The following PHLDB3 variants were observed in gnomAD, a reference collection of about 807,000 sequenced individuals.
The protein encoded by PHLDB3 is pleckstrin homology-like domain family B member 3.
In PHLDB3, 86 loss-of-function variants were observed where a neutral mutation model predicts 85.7. The ratio of observed to expected loss-of-function variants is 1.00; its 90% CI spans 0.84 to 1.20. The LOEUF (loss-of-function observed/expected upper bound fraction) is 1.20, where lower values mean the gene tolerates loss of function less well. Ranked by LOEUF, PHLDB3 falls within the 50% of genes most tolerant of loss-of-function variation. The probability of loss-of-function intolerance (pLI) is 0.00; values close to 1 mark genes in which losing one functional copy is unlikely to be tolerated. For synonymous variants in PHLDB3, 376 were observed against 349.8 expected, an observed-to-expected ratio of 1.07 and a Z score of -0.83; for missense variants, 995 against 873.0, an observed-to-expected ratio of 1.14 and a Z score of -1.76.
rs1568481160 is a variant in PHLDB3, at chr19:43,494,687, C to T, written c.1149+15G>A. On this transcript the variant is annotated intron_variant, in intron 9 of 15. Transcript: ENST00000292140. ...AATAAGATATATGGGGAAACAGAGG[C>T]CGTGGGGGAGGCACCTGCAGGGAGC... 1 of 1,586,442 alleles carries T rather than the reference C, an allele frequency of 6.3e-7. No homozygotes were observed.
Position 43,495,549 on chromosome 19 carries a change from G to A in PHLDB3, c.897C>T (p.Ala299=), listed in dbSNP as rs776726391. 15 of 1,608,906 alleles carry A rather than the reference G, an allele frequency of 9.3e-6. No homozygotes were observed. Among genetic ancestry groups the A allele is most frequent in the Admixed American group, 1.7e-5 (1 of 59,196 alleles). The stretch of plus-strand genomic sequence containing the variant: ...TCTTCCGGCTCAACCCCCGGCTCTC[G>A]GCTGCCATCTGCTCCCCCAGTGACT... ...QLKSLGEQMA[A]ESRGLSRKKE... Residue 299 remains alanine, a synonymous_variant, in exon 7 of 16, where the codon GCC becomes GCT. Transcript: ENST00000292140.
In PHLDB3 at chr19:43,497,288, C is replaced by G; in HGVS notation, c.664-9G>C. Reference sequence around the variant, plus strand: ...TCCAGTTGTTCCCTCATCTATAGGTCGGAACACAAAAAGGGTGGAGGCCTG... The same window carrying G: ...TCCAGTTGTTCCCTCATCTATAGGTGGGAACACAAAAAGGGTGGAGGCCTG... On this transcript the variant is annotated splice_polypyrimidine_tract_variant and intron_variant, in intron 5 of 15. Transcript: ENST00000292140. 7.0e-7 allele frequency: 1 copy of G among 1,420,360 alleles called. No individual in the cohort carries two copies. The highest frequency in any genetic ancestry group is 9.2e-7 in the Non-Finnish European group (1 of 1,082,566). The allele number at this position is 1,420,360 out of a possible 1,614,324, so 88.0% of individuals were successfully genotyped here.
At chr19:43,493,311 T>TAAAA (rs1555755912) in intron 9 of PHLDB3, among the ~76,000 whole-genome samples, 60 of 149,030 alleles carry the variant, frequency 4.0e-4, no homozygotes, top group Non-Finnish European at 7.6e-4. Flanking sequence ...AATAAATAAA[T>TAAAA]AAATAAAATA....
At chr19:43,498,444 AAAAG>A (rs144147025) in intron 4 of PHLDB3, among the ~76,000 whole-genome samples, 8,435 of 151,856 alleles carry the variant, frequency 0.056, 384 homozygotes, top group Admixed American at 0.13. Flanking sequence ...AAGAGAAAGA[AAAAG>A]AAAGAAAAGG....
At chr19:43,501,052 C>T (rs532321995) in intron 4 of PHLDB3, among the ~76,000 whole-genome samples, 1 of 151,274 alleles carries the variant, frequency 6.6e-6, no homozygotes, top group Admixed American at 6.6e-5. Flanking sequence ...AAACTGGGGA[C>T]GAGAACAAAT....
At chr19:43,501,532 G>A in intron 4 of PHLDB3, 1 of 981,542 alleles carries the variant, frequency 1.0e-6, no homozygotes, top group South Asian at 1.7e-5. Flanking sequence ...AACGGACAGG[G>A]GACAAAGGAA....
In PHLDB3 at chr19:43,504,078, G is replaced by T; in HGVS notation, c.41C>A (p.Pro14Gln). The T allele has an allele frequency of 1.2e-6, 2 of 1,612,034 alleles. No homozygotes were observed. The highest frequency in any genetic ancestry group is 8.5e-7 in the Non-Finnish European group (1 of 1,179,162). The change falls in exon 2 of 16, where the codon CCG becomes CAG. Residue 14 changes from proline to glutamine, a missense_variant. Transcript: ENST00000292140. ...CTCCACGTCGCATTCCGGGACCAGC[G>T]GCGGCGGGGTCCCCTCCTCGGGGCT... Reference protein sequence around the residue: ...RSSPEEGTPPPLVPECDVEVQ... With the variant: ...RSSPEEGTPPQLVPECDVEVQ...
intron 14 of PHLDB3, among the ~76,000 whole-genome samples, 186 bp from the exon 15 acceptor site, chr19:43,478,318 G>C (rs1239945737): frequency 1.3e-5 from 2 of 152,088 alleles, no homozygotes; most frequent in Non-Finnish European, 2.9e-5. Flanking sequence ...ACTGGGCACA[G>C]AAACTGGACA....
Position 43,495,335 on chromosome 19 carries a change from C to G in PHLDB3, c.956G>C (p.Arg319Pro). 6.2e-7 allele frequency: 1 copy of G among 1,613,202 alleles called. No homozygotes were observed. Among genetic ancestry groups the G allele is most frequent in the South Asian group, 1.1e-5 (1 of 90,910 alleles). ...GCAATTGAGCTCGAGCAGCCGGCTC[C>G]GTTCCTACCAGAAGATATGGACAGC... Reference protein sequence around the residue: ...EEALQALSQERSRLLELNCLQ... With the variant: ...EEALQALSQEPSRLLELNCLQ... Residue 319 changes from arginine to proline, a missense_variant, in exon 8 of 16, where the codon CGG (arginine) becomes CCG (proline). Physicochemically the swap from Arg to Pro is moderately radical, Grantham distance 103 (BLOSUM62 -2). Transcript: ENST00000292140.
intron 12 of PHLDB3, 56 bp from the exon 13 acceptor site, chr19:43,486,378 TG>T: frequency 6.6e-7 from 1 of 1,515,272 alleles, no homozygotes; most frequent in Non-Finnish European, 9.0e-7. Context: ...GATGGTAGGG[TG>T]GCTGGAGAAT....
rs766564229 is a variant in PHLDB3, at chr19:43,475,498, A to C, written c.1835T>G (p.Leu612Arg). The change falls in exon 16 of 16, where the codon CTT becomes CGT. Residue 612 changes from leucine to arginine, a missense_variant. Leu to Arg is a moderately radical substitution (Grantham distance 102, BLOSUM62 -2). Coordinates refer to ENST00000292140, the MANE Select transcript of PHLDB3 (RefSeq NM_198850.4). ...GGGGCTCGGAGCCACCATGTAGAAA[A>C]GGCGTTCGTAGGTTTTGACGCAGAA... ...LTFCVKTYERLFYMVAPSPEA... is the reference protein window; with the variant it reads ...LTFCVKTYERRFYMVAPSPEA... The C allele has an allele frequency of 3.7e-6, 6 of 1,613,980 alleles. No homozygotes were observed. The highest frequency in any genetic ancestry group is 5.1e-6 in the Non-Finnish European group (6 of 1,179,896).
chr19:43,478,467 G>A (rs192190827), intron 14 of PHLDB3, among the ~76,000 whole-genome samples: 14 of 152,258 alleles, frequency 9.2e-5, no homozygotes, highest in African/African-American at 3.1e-4. Flanking sequence ...GGAGGGGTAA[G>A]TACATTTATC....
intron 13 of PHLDB3, among the ~76,000 whole-genome samples, chr19:43,484,709 TC>T (rs1361085406): frequency 3.3e-5 from 5 of 152,002 alleles, no homozygotes; most frequent in African/African-American, 1.2e-4. Context: ...TAAAACTCTG[TC>T]CCCCAAAAAA....
chr19:43,479,986 G>A (rs547808411), intron 13 of PHLDB3, among the ~76,000 whole-genome samples: 3 of 151,894 alleles, frequency 2.0e-5, no homozygotes, highest in African/African-American at 7.3e-5. Flanking sequence ...AATAAAGATC[G>A]GGCCGGGTGT....
At chr19:43,488,152 G>C (rs1364802225) in intron 9 of PHLDB3, among the ~76,000 whole-genome samples, 1 of 147,130 alleles carries the variant, frequency 6.8e-6, no homozygotes, top group Non-Finnish European at 1.5e-5. Flanking sequence ...AGACTCTGTC[G>C]CAAAAAAAAA....
chr19:43,486,425 G>A (rs778357247), intron 12 of PHLDB3, 103 bp from the exon 13 acceptor site: 10 of 1,317,884 alleles, frequency 7.6e-6, no homozygotes, highest in Non-Finnish European at 9.3e-6. Context: ...ACAGGGACTG[G>A]GGGCCTGGAC....
At chr19:43,484,199 C>T (rs1038263969) in intron 13 of PHLDB3, among the ~76,000 whole-genome samples, 5 of 144,600 alleles carry the variant, frequency 3.5e-5, no homozygotes, top group African/African-American at 1.0e-4. Context: ...TGCAGTGAGC[C>T]GAGATTGTAA....
At chr19:43,492,590 A>G in intron 9 of PHLDB3, among the ~76,000 whole-genome samples, 1 of 145,066 alleles carries the variant, frequency 6.9e-6, no homozygotes, top group Non-Finnish European at 1.5e-5. Context: ...GTGTCACTGC[A>G]CTCTGGCCTG....
At chr19:43,502,843 G>T (rs1007729713) in intron 2 of PHLDB3, among the ~76,000 whole-genome samples, 4 of 152,090 alleles carry the variant, frequency 2.6e-5, no homozygotes, top group Admixed American at 2.6e-4. Context: ...TTGCAGTACC[G>T]TATGGAGGGT....
Sources: allele counts gnomAD v4.1 joint callset (sites outside exome capture counted in the v4.1 genomes callset), GRCh38; gene constraint gnomAD v4.1.1; transcripts MANE v1.5; gene names NCBI Gene and HGNC (gene_info 2026-07-23, HGNC 2026-07-21).